TPD52: variants seen among roughly 807,000 people sequenced by gnomAD.
TPD52 encodes the protein tumor protein D52.
In TPD52, 17 loss-of-function variants were observed where a neutral mutation model predicts 31.3. The observed-to-expected ratio is 0.54, with a 90% CI of 0.37 to 0.82. The LOEUF (loss-of-function observed/expected upper bound fraction) is 0.82, where lower values mean the gene tolerates loss of function less well. Among genes scored for constraint, TPD52 ranks in the 40% least tolerant of loss-of-function variants. The pLI is 0.00. For missense variants in TPD52, 212 were observed against 240.1 expected, an observed-to-expected ratio of 0.88 and a Z score of 0.77; for synonymous variants, 83 against 89.6, an observed-to-expected ratio of 0.93 and a Z score of 0.42.
At chr8:80,074,225 CAA>C (rs761347206) in intron 1 of TPD52, among the ~76,000 whole-genome samples, 2 of 152,128 alleles carry the variant, frequency 1.3e-5, no homozygotes, top group Admixed American at 6.5e-5. Context: ...TAAGCACAAA[CAA>C]GAGGAAATAT....
At chr8:80,111,305 C>A (rs1198928002) in intron 1 of TPD52, among the ~76,000 whole-genome samples, 1 of 152,198 alleles carries the variant, frequency 6.6e-6, no homozygotes, top group African/African-American at 2.4e-5. Context: ...ATTCTGGAGG[C>A]CCTGACTTTG....
intron 1 of TPD52, among the ~76,000 whole-genome samples, chr8:80,131,937 T>TGATTA (rs78909237): frequency 0.17 from 25,201 of 152,022 alleles, 3,390 homozygotes; most frequent in African/African-American, 0.37. Context: ...ACTCTCCTAC[T>TGATTA]GATTAGATGT....
At chr8:80,137,501 C>T (rs1323708510) in intron 1 of TPD52, among the ~76,000 whole-genome samples, 1 of 151,942 alleles carries the variant, frequency 6.6e-6, no homozygotes, top group Non-Finnish European at 1.5e-5. Context: ...CCCATTTGAA[C>T]TTTTAAAGTG....
intron 1 of TPD52, among the ~76,000 whole-genome samples, chr8:80,151,755 C>T (rs1042278229): frequency 2.6e-5 from 4 of 152,074 alleles, no homozygotes; most frequent in Admixed American, 2.6e-4. Flanking sequence ...TCTGACATTG[C>T]CCAGTGGAAG....
intron 2 of TPD52, 107 bp downstream of exon 2, chr8:80,064,371 T>A: frequency 1.1e-6 from 1 of 891,394 alleles, no homozygotes; most frequent in South Asian, 1.5e-5. Flanking sequence ...ACATATGCTT[T>A]CTCTCCCCTG....
At chr8:80,110,822 T>C (rs1297866969) in intron 1 of TPD52, among the ~76,000 whole-genome samples, 1 of 152,222 alleles carries the variant, frequency 6.6e-6, no homozygotes, top group Non-Finnish European at 1.5e-5. Context: ...CTTCTGCAAA[T>C]ACTTTATAAA....
intron 2 of TPD52, among the ~76,000 whole-genome samples, chr8:80,063,042 C>A (rs1178832223): frequency 1.3e-5 from 2 of 152,056 alleles, no homozygotes; most frequent in Non-Finnish European, 2.9e-5. Context: ...AATTCCATAT[C>A]TAGGCATATA....
At chr8:80,057,150 A>T (rs961548358) in intron 2 of TPD52, among the ~76,000 whole-genome samples, 1 of 152,220 alleles carries the variant, frequency 6.6e-6, no homozygotes, top group Non-Finnish European at 1.5e-5. Context: ...CCTGGGCAAC[A>T]GAGCAAGACT....
chr8:80,081,591 C>G (rs1815297670), intron 1 of TPD52, among the ~76,000 whole-genome samples: 1 of 152,064 alleles, frequency 6.6e-6, no homozygotes, highest in Admixed American at 6.6e-5. Context: ...AAAAAGAGCT[C>G]AGATATACTC....
intron 1 of TPD52, among the ~76,000 whole-genome samples, chr8:80,095,370 C>A (rs1010926795): frequency 6.6e-6 from 1 of 151,992 alleles, no homozygotes; most frequent in Non-Finnish European, 1.5e-5. Context: ...GAGGGGGAGG[C>A]AAGCAGGAAT....
intron 1 of TPD52, among the ~76,000 whole-genome samples, chr8:80,069,761 G>A (rs2130737086): frequency 6.6e-6 from 1 of 152,190 alleles, no homozygotes. Flanking sequence ...GTGGTGTCTT[G>A]GATTTGATGA....
intron 1 of TPD52, among the ~76,000 whole-genome samples, chr8:80,086,163 G>A (rs1815746763): frequency 7.1e-6 from 1 of 140,064 alleles, no homozygotes; most frequent in East Asian, 2.1e-4. Context: ...CTGTTGCCAG[G>A]CTGGAGTGCA....
At chr8:80,099,615 A>G (rs1197394646) in intron 1 of TPD52, among the ~76,000 whole-genome samples, 4 of 149,726 alleles carry the variant, frequency 2.7e-5, no homozygotes, top group Admixed American at 6.7e-5. Context: ...GGTTCAAGTG[A>G]TTCTCCTGCC....
At chr8:80,105,885 C>T (rs529719231) in intron 1 of TPD52, among the ~76,000 whole-genome samples, 1 of 152,212 alleles carries the variant, frequency 6.6e-6, no homozygotes, top group East Asian at 1.9e-4. Context: ...GTGCTCACCA[C>T]CACGCCCAGC....
intron 1 of TPD52, among the ~76,000 whole-genome samples, chr8:80,107,252 A>T (rs762950916): frequency 2.6e-4 from 39 of 152,202 alleles, no homozygotes; most frequent in Non-Finnish European, 5.0e-4. Flanking sequence ...TTCAAAGCCC[A>T]CTTGGACCTT....
downstream of TPD52, among the ~76,000 whole-genome samples, chr8:80,033,626 C>T (rs143228744): frequency 3.3e-5 from 5 of 152,274 alleles, no homozygotes; most frequent in South Asian, 2.1e-4. Flanking sequence ...CTTTTGCTCC[C>T]GCTGTTCAGC....
chr8:80,168,160 G>C (rs544614549), intron 1 of TPD52, among the ~76,000 whole-genome samples: 3 of 152,296 alleles, frequency 2.0e-5, no homozygotes. Flanking sequence ...TCAAGCCCTA[G>C]GTATGAGAGA....
At chr8:80,071,694 T>C (rs1813807828) in intron 1 of TPD52, among the ~76,000 whole-genome samples, 1 of 152,150 alleles carries the variant, frequency 6.6e-6, no homozygotes, top group South Asian at 2.1e-4. Flanking sequence ...TTGCCTCCAA[T>C]CCTGCCCTCC....
intron 1 of TPD52, among the ~76,000 whole-genome samples, chr8:80,167,142 A>G (rs942912082): frequency 1.3e-5 from 2 of 152,120 alleles, no homozygotes; most frequent in East Asian, 3.8e-4. Context: ...CCCTGGAAAC[A>G]TTTTTCTAAT....
Sources: gnomAD v4.1 joint callset for allele counts (sites outside exome capture counted in the v4.1 genomes callset) on GRCh38, gnomAD v4.1.1 for gene constraint, MANE v1.5 for transcripts, NCBI Gene and HGNC (gene_info 2026-07-23, HGNC 2026-07-21) for gene names.